TOX2: variants seen among roughly 807,000 people sequenced by gnomAD.
TOX2 encodes the protein granulosa cell HMG box 1.
TOX2 carries 15 observed loss-of-function variants against 47.4 expected under a neutral mutation model. The ratio of observed to expected loss-of-function variants is 0.32; its 90% CI spans 0.21 to 0.49. The LOEUF is 0.49. Ranked by LOEUF, TOX2 falls within the 20% of genes least tolerant of loss-of-function variation. The pLI is 0.99. For missense variants in TOX2, 622 were observed against 673.1 expected (o/e 0.92, Z 0.84); for synonymous variants, 290 against 296.6 (o/e 0.98, Z 0.23).
intron 2 of TOX2, among the ~76,000 whole-genome samples, chr20:43,979,906 G>A (rs769481324): frequency 2.6e-5 from 4 of 152,154 alleles, no homozygotes; most frequent in Non-Finnish European, 5.9e-5. Context: ...GGAGAAAAGG[G>A]AACCCTCGTA....
chr20:44,006,381 C>T (rs906117561), intron 2 of TOX2, among the ~76,000 whole-genome samples, 166 bp from the exon 3 acceptor site: 9 of 152,126 alleles, frequency 5.9e-5, no homozygotes, highest in Admixed American at 2.0e-4. Flanking sequence ...GGAGTCTGAC[C>T]GAGTTAGGGC....
chr20:44,045,786 A>C (rs2071401657), intron 3 of TOX2, among the ~76,000 whole-genome samples: 1 of 152,252 alleles, frequency 6.6e-6, no homozygotes, highest in Admixed American at 6.5e-5. Flanking sequence ...CATTATCAAG[A>C]GTTGGTAAAA....
intron 1 of TOX2, among the ~76,000 whole-genome samples, chr20:43,929,000 C>A (rs796934311): frequency 0.029 from 2,774 of 94,376 alleles, 45 homozygotes; most frequent in East Asian, 0.081. Flanking sequence ...AAAAAAAAAA[C>A]AACAACAAAA....
At chr20:43,963,561 T>G (rs2069799018) in intron 1 of TOX2, among the ~76,000 whole-genome samples, 1 of 152,218 alleles carries the variant, frequency 6.6e-6, no homozygotes, top group African/African-American at 2.4e-5. Flanking sequence ...AGGCAGGTCT[T>G]GGCTGTGTGG....
In TOX2 at chr20:44,051,531, G is replaced by T; in HGVS notation, c.637G>T (p.Glu213Ter). The T allele has an allele frequency of 6.3e-7, 1 of 1,597,730 alleles. No individual in the cohort carries two copies. Among genetic ancestry groups the T allele is most frequent in the South Asian group, 1.1e-5 (1 of 89,378 alleles). The stretch of plus-strand genomic sequence containing the variant: ...CAGCTCCACTCAGGAAGAGGAGTCG[G>T]AAGTGCATTTCAAGGTATGTGCGGT... ...PSSSTQEEESEVHFKISGEKR... is the reference protein window; with the variant it reads ...PSSSTQEEES Residue 213 changes from glutamate (E) to a stop codon, truncating the protein, a stop_gained, in exon 4 of 9, where the codon GAA becomes TAA. Transcript: ENST00000341197. LOFTEE classifies it high-confidence loss of function.
chr20:43,994,291 C>A (rs1051826368), intron 2 of TOX2, among the ~76,000 whole-genome samples: 1 of 135,524 alleles, frequency 7.4e-6, no homozygotes, highest in Non-Finnish European at 1.6e-5. Flanking sequence ...ATGGCAAAAA[C>A]CCATCTCTAC....
intron 3 of TOX2, among the ~76,000 whole-genome samples, chr20:44,008,551 C>A (rs577821478): frequency 2.1e-5 from 2 of 93,472 alleles, no homozygotes; most frequent in Non-Finnish European, 4.2e-5. Context: ...CGCAGCAAGA[C>A]CCTGTCTCAA....
intron 3 of TOX2, among the ~76,000 whole-genome samples, chr20:44,047,954 C>T (rs898471643): frequency 4.6e-5 from 7 of 151,922 alleles, no homozygotes; most frequent in African/African-American, 1.7e-4. Context: ...TGTGGTGGCT[C>T]ATGCCTGTAA....
chr20:43,976,778 G>GCA (rs1555835301), intron 2 of TOX2, among the ~76,000 whole-genome samples: 20 of 130,700 alleles, frequency 1.5e-4, no homozygotes, highest in Middle Eastern at 3.9e-3. Flanking sequence ...ACGCGAGCGC[G>GCA]CGCGCACACA....
chr20:44,028,357 G>T (rs1184394553), intron 3 of TOX2, among the ~76,000 whole-genome samples: 1 of 152,166 alleles, frequency 6.6e-6, no homozygotes, highest in South Asian at 2.1e-4. Context: ...GGCTGGACTG[G>T]TTCTGGGAGA....
intron 3 of TOX2, chr20:44,039,242 G>A: frequency 7.8e-7 from 1 of 1,289,454 alleles, no homozygotes; most frequent in South Asian, 1.2e-5. Context: ...AAGCCATAAA[G>A]GAGGATGACA....
chr20:43,964,778 C>T (rs762625696), intron 1 of TOX2, among the ~76,000 whole-genome samples: 77 of 152,122 alleles, frequency 5.1e-4, no homozygotes, highest in Non-Finnish European at 1.2e-4. Context: ...TAGGGGGTTC[C>T]AGTGAGATGG....
At chr20:43,980,989 C>T (rs1346187795) in intron 2 of TOX2, among the ~76,000 whole-genome samples, 1 of 152,040 alleles carries the variant, frequency 6.6e-6, no homozygotes, top group African/African-American at 2.4e-5. Context: ...TGAAGACTTG[C>T]TAGAGATCAG....
intron 1 of TOX2, among the ~76,000 whole-genome samples, chr20:43,940,365 G>A (rs1209977081): frequency 2.6e-5 from 4 of 151,648 alleles, no homozygotes; most frequent in Non-Finnish European, 4.4e-5. Flanking sequence ...ACAGGCATGC[G>A]CCACCATGCA....
chr20:43,973,938 G>T (rs962990288), intron 2 of TOX2, among the ~76,000 whole-genome samples: 1 of 152,216 alleles, frequency 6.6e-6, no homozygotes, highest in Non-Finnish European at 1.5e-5. Flanking sequence ...AAAGGAAGCA[G>T]AGTCATTCCT....
intron 1 of TOX2, among the ~76,000 whole-genome samples, chr20:43,965,014 A>G (rs544944738): frequency 1.5e-4 from 23 of 152,302 alleles, no homozygotes; most frequent in African/African-American, 3.4e-4. Flanking sequence ...CACATGTGTC[A>G]AAGAAGAAGG....
intron 1 of TOX2, among the ~76,000 whole-genome samples, chr20:43,950,515 G>C (rs1462320806): frequency 6.7e-6 from 1 of 150,094 alleles, no homozygotes; most frequent in Non-Finnish European, 1.5e-5. Flanking sequence ...GCCTGTCTTT[G>C]CTGGTCTCTT....
At chr20:44,056,657 T>G (rs1291549404) in intron 5 of TOX2, among the ~76,000 whole-genome samples, 2 of 152,230 alleles carry the variant, frequency 1.3e-5, no homozygotes, top group African/African-American at 4.8e-5. Flanking sequence ...CATCCGATAA[T>G]GGGCATTTCT....
chr20:43,989,526 T>C (rs950518698), intron 2 of TOX2, among the ~76,000 whole-genome samples: 2 of 152,182 alleles, frequency 1.3e-5, no homozygotes, highest in Non-Finnish European at 2.9e-5. Context: ...ATGCCTGTAA[T>C]CCTAGCACTT....
Sources: allele counts gnomAD v4.1 joint callset (sites outside exome capture counted in the v4.1 genomes callset), GRCh38; gene constraint gnomAD v4.1.1; transcripts MANE v1.5; gene names NCBI Gene and HGNC (gene_info 2026-07-23, HGNC 2026-07-21).